The following PRSS23 variants were observed in gnomAD, a reference collection of about 807,000 sequenced individuals.
PRSS23 encodes serine protease 23.
Under a neutral mutation model 34.7 loss-of-function variants are expected in PRSS23, and 25 were observed. That is an observed-to-expected ratio of 0.72 (90% confidence interval 0.53 to 1.01). PRSS23 has a LOEUF of 1.01. PRSS23 is among the 50% of genes least tolerant of loss of function. The pLI is 0.00. For missense variants in PRSS23, 445 were observed against 475.6 expected (o/e 0.94, Z 0.60); for synonymous variants, 176 against 186.6 (o/e 0.94, Z 0.46).
At chr11:86,864,081 A>G (rs1948633834) in intron 2 of PRSS23, among the ~76,000 whole-genome samples, 1 of 152,206 alleles carries the variant, frequency 6.6e-6, no homozygotes, top group African/African-American at 2.4e-5. Flanking sequence ...TTCTCTTCCA[A>G]CAACTCTATG....
At chr11:86,848,677 A>G (rs1473750794) in intron 2 of PRSS23, among the ~76,000 whole-genome samples, 2 of 152,214 alleles carry the variant, frequency 1.3e-5, no homozygotes, top group African/African-American at 2.4e-5. Flanking sequence ...TATTAGGAGA[A>G]AACTCCAAAG....
intron 2 of PRSS23, among the ~76,000 whole-genome samples, chr11:86,942,042 CT>C (rs1380493837): frequency 6.6e-6 from 1 of 152,154 alleles, no homozygotes; most frequent in Non-Finnish European, 1.5e-5. Flanking sequence ...AAATAGACAA[CT>C]TTAGGTGCTC....
intron 2 of PRSS23, among the ~76,000 whole-genome samples, chr11:86,906,630 G>A (rs1368331117): frequency 1.3e-5 from 2 of 152,184 alleles, no homozygotes; most frequent in Non-Finnish European, 2.9e-5. Context: ...ATTTCCCAGA[G>A]GTAGAGCTGA....
intron 2 of PRSS23, among the ~76,000 whole-genome samples, chr11:86,890,558 C>A (rs1205706175): frequency 6.6e-6 from 1 of 152,146 alleles, no homozygotes; most frequent in Non-Finnish European, 1.5e-5. Context: ...CTAGGGAATT[C>A]GGGAGTGGCC....
At chr11:86,899,956 T>TA (rs1298144296) in intron 2 of PRSS23, among the ~76,000 whole-genome samples, 79 of 148,574 alleles carry the variant, frequency 5.3e-4, no homozygotes, top group African/African-American at 1.8e-3. Context: ...TAGTTGTCTT[T>TA]AAAAAAAAAA....
rs77384953 is a variant in PRSS23, at chr11:86,903,199, C to T, written c.207-48017C>T. On this transcript the variant is annotated intron_variant, in intron 2 of 2. Coordinates refer to the PRSS23 transcript ENST00000533902. ...TTTATCTGTATGTTCTTACCTACTA[C>T]ATGGATTAAGGGATGGATGTCTAGT... Among the ~76,000 whole-genome samples, 531 of 152,182 alleles carry T rather than the reference C, an allele frequency of 3.5e-3. 1 individual carries two copies. Among genetic ancestry groups the T allele is most frequent in the Non-Finnish European group, 5.9e-3 (404 of 68,012 alleles).
chr11:86,857,655 A>G (rs1402084330), intron 2 of PRSS23: 18 of 535,882 alleles, frequency 3.4e-5, no homozygotes, highest in Non-Finnish European at 6.0e-5. Flanking sequence ...CAAATCGGTC[A>G]TAGGCCATCA....
At chr11:86,947,201 T>TCAAACAAA (rs34325935) in intron 2 of PRSS23, 43 of 165,520 alleles carry the variant, frequency 2.6e-4, no homozygotes, top group Admixed American at 6.0e-4. Flanking sequence ...AGACCCTGTC[T>TCAAACAAA]CAAACAAACA....
At chr11:86,874,833 G>A (rs1948711580) in intron 2 of PRSS23, among the ~76,000 whole-genome samples, 1 of 152,164 alleles carries the variant, frequency 6.6e-6, no homozygotes, top group Non-Finnish European at 1.5e-5. Context: ...TGATACAAGT[G>A]GCCGAAGGGC....
chr11:86,859,197 G>A (rs1948595043), intron 2 of PRSS23, among the ~76,000 whole-genome samples: 1 of 152,002 alleles, frequency 6.6e-6, no homozygotes, highest in African/African-American at 2.4e-5. Context: ...AATATCCAGG[G>A]AAGAAGAAGA....
intron 2 of PRSS23, among the ~76,000 whole-genome samples, chr11:86,900,331 C>T (rs1376801823): frequency 6.6e-6 from 1 of 152,224 alleles, no homozygotes; most frequent in East Asian, 1.9e-4. Context: ...AAGCGGCTTG[C>T]ATGTGCCCGT....
intron 2 of PRSS23, among the ~76,000 whole-genome samples, chr11:86,833,719 C>A (rs1948379621): frequency 6.6e-6 from 1 of 152,092 alleles, no homozygotes; most frequent in Non-Finnish European, 1.5e-5. Flanking sequence ...AAGTTGCAAG[C>A]CCCGTGTTTA....
chr11:86,915,555 T>G (rs1351878844), intron 2 of PRSS23, among the ~76,000 whole-genome samples: 1 of 148,190 alleles, frequency 6.7e-6, no homozygotes, highest in African/African-American at 2.4e-5. Flanking sequence ...ATTATATATA[T>G]AAAACTAATA....
intron 2 of PRSS23, among the ~76,000 whole-genome samples, chr11:86,879,427 C>A (rs1948752780): frequency 6.6e-6 from 1 of 151,966 alleles, no homozygotes; most frequent in Non-Finnish European, 1.5e-5. Context: ...CTCTGCCTGG[C>A]AGCCACCCCA....
chr11:86,848,306 G>A (rs890669044), intron 2 of PRSS23, among the ~76,000 whole-genome samples: 1 of 152,168 alleles, frequency 6.6e-6, no homozygotes, highest in African/African-American at 2.4e-5. Context: ...GCAATTTAGG[G>A]ATCGATAGTA....
intron 2 of PRSS23, chr11:86,950,823 C>T (rs978619813): frequency 1.7e-5 from 7 of 414,422 alleles, no homozygotes; most frequent in African/African-American, 1.2e-4. Context: ...AAAACAGTAT[C>T]GCCCTGGACT....
chr11:86,895,054 G>A (rs555800032), intron 2 of PRSS23, among the ~76,000 whole-genome samples: 19 of 152,272 alleles, frequency 1.2e-4, no homozygotes, highest in African/African-American at 4.6e-4. Flanking sequence ...TGACATTACA[G>A]TGAGACTTCA....
chr11:86,906,523 C>T (rs1393522822), intron 2 of PRSS23, among the ~76,000 whole-genome samples: 1 of 152,216 alleles, frequency 6.6e-6, no homozygotes, highest in African/African-American at 2.4e-5. Flanking sequence ...ATCAGCCCCG[C>T]AGTGCCTCGC....
intron 1 of PRSS23, among the ~76,000 whole-genome samples, chr11:86,792,344 C>A (rs1947956744): frequency 6.6e-6 from 1 of 152,234 alleles, no homozygotes; most frequent in Non-Finnish European, 1.5e-5. Context: ...CTCATGCTCA[C>A]TGGGCTCTGG....
Sources: gnomAD v4.1 joint callset for allele counts (sites outside exome capture counted in the v4.1 genomes callset) on GRCh38, gnomAD v4.1.1 for gene constraint, MANE v1.5 for transcripts, NCBI Gene and HGNC (gene_info 2026-07-23, HGNC 2026-07-21) for gene names.